The following ANKRD62 variants were observed in gnomAD, a reference collection of about 807,000 sequenced individuals.
The protein encoded by ANKRD62 is ankyrin repeat domain 62.
In ANKRD62, 61 loss-of-function variants were observed where a neutral mutation model predicts 98.8. The observed-to-expected ratio is 0.62, with a 90% CI of 0.50 to 0.76. The LOEUF is 0.76. ANKRD62 is among the 30% of genes least tolerant of loss of function. ANKRD62 has a pLI of 0.00. For synonymous variants in ANKRD62, 341 were observed against 367.9 expected (o/e 0.93, Z 0.84); for missense variants, 933 against 1,082.9 (o/e 0.86, Z 1.94).
chr18:12,174,349 G>A, the ANKRD62 span, among the ~76,000 whole-genome samples: 1 of 152,136 alleles, frequency 6.6e-6, no homozygotes, highest in Admixed American at 6.5e-5. Context: ...GCTCTATCAG[G>A]TCAGTTACAT....
At chr18:12,158,009 T>C in the ANKRD62 span, among the ~76,000 whole-genome samples, 1 of 152,332 alleles carries the variant, frequency 6.6e-6, no homozygotes, top group African/African-American at 2.4e-5. Flanking sequence ...ATCTTACCCT[T>C]GGGTAGTGTT....
At chr18:12,122,763 ATTAT>A (rs1909807478) in intron 11 of ANKRD62, among the ~76,000 whole-genome samples, 1 of 152,166 alleles carries the variant, frequency 6.6e-6, no homozygotes, top group Non-Finnish European at 1.5e-5. Flanking sequence ...TGGAAATTTC[ATTAT>A]TTAATAAATT....
chr18:12,159,244 A>G, the ANKRD62 span, among the ~76,000 whole-genome samples: 2 of 152,194 alleles, frequency 1.3e-5, no homozygotes, highest in Admixed American at 6.5e-5. Flanking sequence ...TCAGGGACAC[A>G]GTAGTTGGCA....
At chr18:12,106,423 C>T (rs1474409727) in intron 7 of ANKRD62, among the ~76,000 whole-genome samples, 3 of 152,236 alleles carry the variant, frequency 2.0e-5, no homozygotes. Context: ...CCTTCTGAGG[C>T]ATTATGTTAC....
the ANKRD62 span, among the ~76,000 whole-genome samples, chr18:12,171,001 T>C: frequency 2.7e-5 from 4 of 148,568 alleles, no homozygotes; most frequent in African/African-American, 7.4e-5. Context: ...TAGATCATCC[T>C]CCATCCCTTT....
chr18:12,127,833 A>G lies in ANKRD62; in HGVS notation c.2648A>G (p.Glu883Gly). ...GAAGCTATGCTAGAGATTTCATCAG[A>G]ACGTCGTATTAATTTAGAAGATGAG... ...LLEAMLEISS[E>G]RRINLEDEAQ... Residue 883 changes from glutamate (E) to glycine (G), a missense_variant, in exon 14 of 14, where the codon GAA (glutamate) becomes GGA (glycine). Physicochemically the swap from Glu to Gly is moderately conservative, Grantham distance 98. Coordinates refer to ENST00000587848, the MANE Select transcript of ANKRD62 (RefSeq NM_001277333.2). The G allele has an allele frequency of 2.0e-6, 3 of 1,524,426 alleles. No homozygotes were observed. Among genetic ancestry groups the G allele is most frequent in the Non-Finnish European group, 2.6e-6 (3 of 1,142,310 alleles). 94.4% of individuals were successfully genotyped at this position (1,524,426 alleles called of 1,614,324 possible).
chr18:12,112,366 CAG>C (rs1909561864), intron 8 of ANKRD62, among the ~76,000 whole-genome samples: 1 of 152,104 alleles, frequency 6.6e-6, no homozygotes, highest in African/African-American at 2.4e-5. Flanking sequence ...GGTTCAAAAA[CAG>C]ACACATGGAC....
At position 12,127,820 on chromosome 18, in the gene ANKRD62, G is replaced by C; in HGVS notation, c.2635G>C (p.Glu879Gln). ...NKQLLLEAMLEISSERRINLE... is the reference protein window; with the variant it reads ...NKQLLLEAMLQISSERRINLE... Reference sequence around the variant, plus strand: ...ACAATTGCTGTTAGAAGCTATGCTAGAGATTTCATCAGAACGTCGTATTAA... The same window carrying C: ...ACAATTGCTGTTAGAAGCTATGCTACAGATTTCATCAGAACGTCGTATTAA... The change falls in exon 14 of 14, where the codon GAG becomes CAG. Residue 879 changes from glutamate (E) to glutamine (Q), a missense_variant. Transcript: ENST00000587848. 6.6e-7 allele frequency: 1 copy of C among 1,519,648 alleles called. No individual in the cohort carries two copies. The highest frequency in any genetic ancestry group is 8.8e-7 in the Non-Finnish European group (1 of 1,140,378). 94.1% of individuals were successfully genotyped at this position (1,519,648 alleles called of 1,614,324 possible). A position where few individuals can be genotyped will look rare whatever the true frequency, so the allele number is the denominator to read the frequency against.
chr18:12,094,285 CCT>C (rs1909116411), intron 1 of ANKRD62, 50 bp downstream of exon 1: 1 of 1,369,410 alleles, frequency 7.3e-7, no homozygotes, highest in East Asian at 3.2e-5. Context: ...GGGAGAAGCC[CCT>C]GTTCCTGGTT....
chr18:12,101,975 T>C, intron 6 of ANKRD62: 1 of 1,035,236 alleles, frequency 9.7e-7, no homozygotes, highest in Middle Eastern at 3.0e-4. Context: ...TTCTTCAAAG[T>C]ATTAAGTCAG....
the ANKRD62 span, among the ~76,000 whole-genome samples, chr18:12,173,633 A>G: frequency 2.0e-5 from 3 of 152,130 alleles, no homozygotes; most frequent in African/African-American, 7.2e-5. Flanking sequence ...GCTGGTAACA[A>G]TCTTTTCATA....
chr18:12,108,484 C>G (rs1253750941), intron 8 of ANKRD62, among the ~76,000 whole-genome samples: 1 of 152,158 alleles, frequency 6.6e-6, no homozygotes, highest in Non-Finnish European at 1.5e-5. Flanking sequence ...TCACTTCCCA[C>G]CAGGTCTCTC....
chr18:12,171,524 C>T, the ANKRD62 span, among the ~76,000 whole-genome samples: 1 of 152,354 alleles, frequency 6.6e-6, no homozygotes, highest in African/African-American at 2.4e-5. Flanking sequence ...GTGTGATGGG[C>T]TTCCCTTTGT....
At chr18:12,138,820 T>A in the ANKRD62 span, among the ~76,000 whole-genome samples, 1 of 152,164 alleles carries the variant, frequency 6.6e-6, no homozygotes, top group Non-Finnish European at 1.5e-5. Context: ...TCTTTTTTGA[T>A]TTTTGTTGGT....
chr18:12,119,598 G>A lies in ANKRD62; in HGVS notation c.1241-2705G>A, dbSNP rs529377561. Among the ~76,000 whole-genome samples, 8 of 152,166 alleles carry A rather than the reference G, an allele frequency of 5.3e-5. No homozygotes were observed. In the South Asian group the frequency reaches 1.7e-3, roughly 32 times the overall value. On this transcript the variant is annotated intron_variant, in intron 10 of 13. Coordinates refer to ENST00000587848, the MANE Select transcript of ANKRD62 (RefSeq NM_001277333.2). ...TGTGTAAGAACACTAATCCCATTCAGGAGGGCTTGGCTCTCATGATAAGAC... is the reference window on the plus strand; with the variant it reads ...TGTGTAAGAACACTAATCCCATTCAAGAGGGCTTGGCTCTCATGATAAGAC...
chr18:12,165,620 GT>G, the ANKRD62 span, among the ~76,000 whole-genome samples: 2 of 152,000 alleles, frequency 1.3e-5, no homozygotes, highest in Non-Finnish European at 2.9e-5. Flanking sequence ...GTCTTGAGAA[GT>G]TGTGGTTATT....
At chr18:12,114,428 T>G (rs1211243586) in intron 8 of ANKRD62, among the ~76,000 whole-genome samples, 2 of 152,356 alleles carry the variant, frequency 1.3e-5, no homozygotes, top group Admixed American at 6.5e-5. Context: ...TCATAGCATA[T>G]TGCGAAACGC....
the ANKRD62 span, among the ~76,000 whole-genome samples, chr18:12,141,048 C>A: frequency 5.0e-4 from 76 of 152,360 alleles, 2 homozygotes; most frequent in Admixed American, 4.6e-4. Context: ...CAAGACTGAG[C>A]AATGGCGGGC....
chr18:12,133,688 G>C (rs1034535391), downstream of ANKRD62, among the ~76,000 whole-genome samples: 9 of 152,002 alleles, frequency 5.9e-5, no homozygotes, highest in Non-Finnish European at 1.3e-4. Flanking sequence ...TGAAAAACCT[G>C]GTCGTTATCC....
Sources: allele counts gnomAD v4.1 joint callset (sites outside exome capture counted in the v4.1 genomes callset), GRCh38; gene constraint gnomAD v4.1.1; transcripts MANE v1.5; gene names NCBI Gene and HGNC (gene_info 2026-07-23, HGNC 2026-07-21).